The following NRG1 variants were observed in gnomAD, a reference collection of about 807,000 sequenced individuals.
NRG1 encodes pro-neuregulin-1, membrane-bound isoform.
NRG1 carries 18 observed loss-of-function variants against 63.8 expected under a neutral mutation model. The ratio of observed to expected loss-of-function variants is 0.28; its 90% confidence interval spans 0.19 to 0.42. The LOEUF (loss-of-function observed/expected upper bound fraction) is 0.42. Among genes scored for constraint, NRG1 ranks in the 10% least tolerant of loss-of-function variants. NRG1 has a pLI of 1.00. For missense variants in NRG1, 762 were observed against 814.7 expected (o/e 0.94, Z 0.79); for synonymous variants, 302 against 301.3 (o/e 1.00, Z -0.02).
intron 1 of NRG1, among the ~76,000 whole-genome samples, chr8:32,271,963 T>C (rs576528229): frequency 6.6e-6 from 1 of 152,296 alleles, no homozygotes; most frequent in South Asian, 2.1e-4. Context: ...GCTGATAGAA[T>C]AGGCTGTGTT....
chr8:31,712,710 A>G (rs1442707694), intron 1 of NRG1, among the ~76,000 whole-genome samples: 2 of 151,732 alleles, frequency 1.3e-5, no homozygotes, highest in South Asian at 2.1e-4. Flanking sequence ...TTTTTTTCTT[A>G]TAGTAACCGC....
intron 1 of NRG1, among the ~76,000 whole-genome samples, chr8:31,706,545 C>T (rs1303622357): frequency 6.6e-6 from 1 of 152,034 alleles, no homozygotes; most frequent in Non-Finnish European, 1.5e-5. Context: ...TAATTTTATA[C>T]AGTAGGATAA....
intron 1 of NRG1, among the ~76,000 whole-genome samples, chr8:32,101,410 G>A (rs1181169119): frequency 6.6e-6 from 1 of 150,960 alleles, no homozygotes; most frequent in African/African-American, 2.4e-5. Flanking sequence ...AAAAGGAAAA[G>A]CTTGTTCCTT....
At chr8:32,600,733 A>G (rs192806408) in intron 2 of NRG1, among the ~76,000 whole-genome samples, 17 of 152,272 alleles carry the variant, frequency 1.1e-4, no homozygotes, top group Admixed American at 9.2e-4. Context: ...ATAATAGCTA[A>G]CACTTATTGG....
intron 1 of NRG1, among the ~76,000 whole-genome samples, chr8:31,784,947 C>A (rs547074690): frequency 6.6e-6 from 1 of 152,150 alleles, no homozygotes; most frequent in Non-Finnish European, 1.5e-5. Flanking sequence ...AGTATCTTTC[C>A]CTTTATCACA....
intron 1 of NRG1, among the ~76,000 whole-genome samples, chr8:32,284,043 T>G (rs1349105115): frequency 6.6e-6 from 1 of 152,168 alleles, no homozygotes; most frequent in South Asian, 2.1e-4. Context: ...GGAGAGTCTC[T>G]TGGGCCACTT....
intron 3 of NRG1, among the ~76,000 whole-genome samples, chr8:32,609,602 CCTTCCTTCCTTCCTTCCTTT>C (rs1293468516): frequency 7.6e-6 from 1 of 131,798 alleles, no homozygotes; most frequent in Non-Finnish European, 1.6e-5. Context: ...TTCCTTCCTT[CCTTCCTTCCTTCCTTCCTTT>C]CCCTCCCTCC....
chr8:32,419,811 C>G (rs1816455009), intron 1 of NRG1, among the ~76,000 whole-genome samples: 2 of 152,188 alleles, frequency 1.3e-5, no homozygotes, highest in African/African-American at 4.8e-5. Context: ...CTCGTCATAA[C>G]ACAAGTACAT....
chr8:32,432,170 C>T (rs1818229045), intron 1 of NRG1, among the ~76,000 whole-genome samples: 1 of 152,156 alleles, frequency 6.6e-6, no homozygotes, highest in Non-Finnish European at 1.5e-5. Context: ...CCTGGTATAA[C>T]TCCCATCATT....
At chr8:32,297,683 A>G (rs1855056350) in intron 1 of NRG1, among the ~76,000 whole-genome samples, 3 of 152,164 alleles carry the variant, frequency 2.0e-5, no homozygotes, top group African/African-American at 7.2e-5. Flanking sequence ...ATTGGGTGCC[A>G]CTGTCTCTGC....
At chr8:32,533,516 G>A (rs1831665015) in intron 1 of NRG1, among the ~76,000 whole-genome samples, 1 of 151,984 alleles carries the variant, frequency 6.6e-6, no homozygotes. Flanking sequence ...AGAACACGCT[G>A]TTTTAGGATC....
intron 1 of NRG1, among the ~76,000 whole-genome samples, chr8:32,446,409 C>G (rs539402437): frequency 2.0e-5 from 3 of 152,152 alleles, no homozygotes; most frequent in African/African-American, 7.2e-5. Context: ...AATCTCAGCA[C>G]TTTGGGAGGC....
At chr8:31,835,148 G>A (rs964821018) in intron 1 of NRG1, among the ~76,000 whole-genome samples, 1 of 152,110 alleles carries the variant, frequency 6.6e-6, no homozygotes, top group Non-Finnish European at 1.5e-5. Context: ...ATATGCTTAG[G>A]TCTTTTATTT....
chr8:32,594,950 T>C (rs994701794), intron 1 of NRG1, among the ~76,000 whole-genome samples: 5 of 152,200 alleles, frequency 3.3e-5, no homozygotes, highest in Non-Finnish European at 4.4e-5. Flanking sequence ...TTTTCTGTGT[T>C]CTTTGGTCCC....
intron 1 of NRG1, among the ~76,000 whole-genome samples, chr8:32,144,678 G>A (rs943340875): frequency 4.6e-5 from 7 of 152,154 alleles, no homozygotes; most frequent in Admixed American, 3.3e-4. Context: ...TTTTGGTCTC[G>A]GTTTTCCTTT....
At chr8:32,107,800 TA>T (rs1230412266) in intron 1 of NRG1, among the ~76,000 whole-genome samples, 4 of 152,206 alleles carry the variant, frequency 2.6e-5, no homozygotes, top group Admixed American at 2.6e-4. Flanking sequence ...CCTACTGTGT[TA>T]AAAAATATCA....
intron 1 of NRG1, among the ~76,000 whole-genome samples, chr8:31,978,340 C>G (rs530201895): frequency 1.3e-5 from 2 of 152,074 alleles, no homozygotes; most frequent in Non-Finnish European, 2.9e-5. Context: ...GGCTTCTCCA[C>G]TCTCTGTTTG....
chr8:31,946,380 A>G (rs1802538855), intron 1 of NRG1, among the ~76,000 whole-genome samples: 1 of 152,228 alleles, frequency 6.6e-6, no homozygotes, highest in Non-Finnish European at 1.5e-5. Flanking sequence ...GAAAAACACC[A>G]TAATGTGTAT....
intron 5 of NRG1, among the ~76,000 whole-genome samples, chr8:32,659,382 A>G (rs576948807): frequency 2.0e-5 from 3 of 152,220 alleles, no homozygotes; most frequent in Non-Finnish European, 2.9e-5. Flanking sequence ...TCCTGATCTC[A>G]GGTGATCTGC....
Sources: allele counts gnomAD v4.1 joint callset (sites outside exome capture counted in the v4.1 genomes callset), GRCh38; gene constraint gnomAD v4.1.1; transcripts MANE v1.5; gene names NCBI Gene and HGNC (gene_info 2026-07-23, HGNC 2026-07-21).